Variants in PPM1H observed in about 807,000 individuals in gnomAD.
The protein encoded by PPM1H is protein phosphatase, Mg2+/Mn2+ dependent 1H, also known as protein phosphatase 1H.
A neutral mutation model predicts 54.9 loss-of-function variants in PPM1H; 27 were observed. The ratio of observed to expected loss-of-function variants is 0.49; its 90% confidence interval spans 0.36 to 0.68. The LOEUF (loss-of-function observed/expected upper bound fraction) is 0.68, where lower values mean the gene tolerates loss of function less well. Ranked by LOEUF, PPM1H falls within the 30% of genes least tolerant of loss-of-function variation. The pLI, the probability that PPM1H is intolerant of heterozygous loss-of-function variation, is 0.00. For synonymous variants in PPM1H, 305 were observed against 270.8 expected (o/e 1.13, Z -1.24); for missense variants, 596 against 667.8 (o/e 0.89, Z 1.19).
At chr12:62,923,780 T>A (rs527873222) in intron 1 of PPM1H, among the ~76,000 whole-genome samples, 1 of 152,276 alleles carries the variant, frequency 6.6e-6, no homozygotes, top group East Asian at 1.9e-4. Flanking sequence ...CAGGCCCCAC[T>A]GTGAAAAACC....
intron 3 of PPM1H, among the ~76,000 whole-genome samples, chr12:62,792,926 A>C (rs969073836): frequency 6.6e-6 from 1 of 152,182 alleles, no homozygotes; most frequent in African/African-American, 2.4e-5. Context: ...TTTTCTTCAA[A>C]TCCTCACCTT....
intron 1 of PPM1H, among the ~76,000 whole-genome samples, chr12:62,888,637 C>T (rs187062305): frequency 6.6e-6 from 1 of 152,210 alleles, no homozygotes; most frequent in East Asian, 1.9e-4. Context: ...TTGCAAGGAA[C>T]CCCTGTATTT....
chr12:62,716,182 A>AG (rs887869982), intron 6 of PPM1H, among the ~76,000 whole-genome samples: 1 of 152,116 alleles, frequency 6.6e-6, no homozygotes, highest in Non-Finnish European at 1.5e-5. Flanking sequence ...AATGGGAGTA[A>AG]GGGGGGGTCA....
At chr12:62,654,962 C>T (rs987994902) in intron 9 of PPM1H, among the ~76,000 whole-genome samples, 7 of 152,134 alleles carry the variant, frequency 4.6e-5, no homozygotes, top group Non-Finnish European at 7.3e-5. Flanking sequence ...TTCTCTCCGC[C>T]GGCTTCTCCA....
chr12:62,867,445 A>T (rs751717390), intron 1 of PPM1H, among the ~76,000 whole-genome samples: 1 of 151,746 alleles, frequency 6.6e-6, no homozygotes. Context: ...GCCTCCTCCC[A>T]TAGACCCATA....
intron 1 of PPM1H, among the ~76,000 whole-genome samples, chr12:62,842,989 GCTGT>G (rs1482929507): frequency 6.6e-6 from 1 of 152,152 alleles, no homozygotes; most frequent in African/African-American, 2.4e-5. Context: ...TCATATGGTA[GCTGT>G]CTGACTGTTG....
intron 5 of PPM1H, among the ~76,000 whole-genome samples, chr12:62,723,323 C>A (rs2076273254): frequency 1.3e-5 from 2 of 151,664 alleles, no homozygotes; most frequent in African/African-American, 4.9e-5. Flanking sequence ...AGTAGCGGTG[C>A]TTTCATTCTG....
intron 1 of PPM1H, among the ~76,000 whole-genome samples, chr12:62,851,216 G>C (rs940848929): frequency 6.6e-6 from 1 of 152,146 alleles, no homozygotes; most frequent in Non-Finnish European, 1.5e-5. Flanking sequence ...AGGTGAGGCA[G>C]AGGCAGCTTG....
chr12:62,648,298 G>A lies in PPM1H; in HGVS notation c.*191C>T. 1 of 635,962 alleles carries A rather than the reference G, an allele frequency of 1.6e-6. No homozygotes were observed. Among genetic ancestry groups the A allele is most frequent in the Non-Finnish European group, 2.6e-6 (1 of 381,652 alleles). The allele number at this position is 635,962 out of a possible 1,614,324, so 39.4% of individuals were successfully genotyped here. A position where few individuals can be genotyped will look rare whatever the true frequency, so the allele number is the denominator to read the frequency against. ...CTTTGTGTTTTGCTCTTGTTGAGTT[G>A]ACCTGTTACTAAAGAAGAAATGGAA... On this transcript the variant is annotated 3_prime_UTR_variant, in exon 10 of 10. Coordinates refer to ENST00000228705, the MANE Select transcript of PPM1H (RefSeq NM_020700.2).
intron 4 of PPM1H, among the ~76,000 whole-genome samples, chr12:62,763,953 T>C (rs1340393731): frequency 2.0e-5 from 3 of 152,222 alleles, no homozygotes; most frequent in Non-Finnish European, 4.4e-5. Context: ...ACACTCCTGA[T>C]GCATTTTGTC....
intron 1 of PPM1H, among the ~76,000 whole-genome samples, chr12:62,918,657 T>C (rs962494221): frequency 5.3e-5 from 8 of 152,160 alleles, no homozygotes; most frequent in Non-Finnish European, 1.2e-4. Context: ...AAGATTTACC[T>C]ACAAGGAGGT....
intron 6 of PPM1H, among the ~76,000 whole-genome samples, chr12:62,696,419 G>A (rs1055074453): frequency 4.6e-5 from 7 of 152,296 alleles, no homozygotes; most frequent in Admixed American, 4.6e-4. Flanking sequence ...AATCAACTAT[G>A]AGCACTCCCT....
chr12:62,702,129 G>A (rs1001941487), intron 6 of PPM1H, among the ~76,000 whole-genome samples: 1 of 151,898 alleles, frequency 6.6e-6, no homozygotes, highest in Non-Finnish European at 1.5e-5. Context: ...TTCATGGCTG[G>A]GTTCCCATTG....
chr12:62,741,242 T>A (rs1003480876), intron 4 of PPM1H, among the ~76,000 whole-genome samples: 2 of 151,154 alleles, frequency 1.3e-5, no homozygotes, highest in Non-Finnish European at 3.0e-5. Flanking sequence ...AGATTTCACC[T>A]CCTCAGCAGC....
In PPM1H at chr12:62,698,180, G is replaced by A. The variant is rs117931790; in HGVS notation, c.1074-4181C>T. 8.9e-3 allele frequency among the ~76,000 whole-genome samples: 1,350 copies of A among 151,926 alleles called. 11 individuals are homozygous for A. Among genetic ancestry groups the A allele is most frequent in the South Asian group, 0.026 (124 of 4,784 alleles). On this transcript the variant is annotated intron_variant, in intron 6 of 9. Transcript: ENST00000228705. ...AGACTGAAATGCCACCAAGACAGCTGTACCCCAAGTGTAGGAATCCCTTCT... is the reference window on the plus strand; with the variant it reads ...AGACTGAAATGCCACCAAGACAGCTATACCCCAAGTGTAGGAATCCCTTCT...
rs145296376 is a variant in PPM1H, at chr12:62,820,418, T to C, written c.411+11696A>G. Among the ~76,000 whole-genome samples the C allele has an allele frequency of 9.1e-3, 1,391 of 152,324 alleles. 18 individuals are homozygous for C. Among genetic ancestry groups the C allele is most frequent in the African/African-American group, 0.032 (1,326 of 41,574 alleles). On this transcript the variant is annotated intron_variant, in intron 2 of 9. Transcript: ENST00000228705. ...GGTTCTCCCAGCACAGAGTTTGAGA[T>C]CTGAGAATGGACAGACTGCCTCCTC...
At chr12:62,807,003 G>A (rs765883471) in intron 2 of PPM1H, among the ~76,000 whole-genome samples, 9 of 152,180 alleles carry the variant, frequency 5.9e-5, no homozygotes, top group Non-Finnish European at 2.9e-5. Flanking sequence ...AGGATGCATG[G>A]AAGTTCATGA....
At chr12:62,735,281 G>A (rs564677426) in intron 5 of PPM1H, among the ~76,000 whole-genome samples, 20 of 151,848 alleles carry the variant, frequency 1.3e-4, no homozygotes, top group African/African-American at 4.3e-4. Flanking sequence ...GTGCAGTCTC[G>A]GTTCACTGCA....
At chr12:62,785,979 G>C (rs1438950279) in intron 4 of PPM1H, among the ~76,000 whole-genome samples, 2 of 152,162 alleles carry the variant, frequency 1.3e-5, no homozygotes, top group Non-Finnish European at 1.5e-5. Flanking sequence ...AGGTCATCTG[G>C]TGAAAGGCAC....
Sources: gnomAD v4.1 joint callset for allele counts (sites outside exome capture counted in the v4.1 genomes callset) on GRCh38, gnomAD v4.1.1 for gene constraint, MANE v1.5 for transcripts, NCBI Gene and HGNC (gene_info 2026-07-23, HGNC 2026-07-21) for gene names.